ERC1: variants seen among roughly 807,000 people sequenced by gnomAD.
ERC1 encodes the protein RAB6 interacting protein 2.
Under a neutral mutation model 132.0 loss-of-function variants are expected in ERC1, and 56 were observed. That is an observed-to-expected ratio of 0.42 (90% CI 0.34 to 0.53). The LOEUF is 0.53. Among genes scored for constraint, ERC1 ranks in the 20% least tolerant of loss-of-function variants. ERC1 has a pLI of 0.03. For missense variants in ERC1, 1,202 were observed against 1,349.9 expected, an observed-to-expected ratio of 0.89 and a Z score of 1.72; for synonymous variants, 478 against 476.1, an observed-to-expected ratio of 1.00 and a Z score of -0.05.
intron 7 of ERC1, among the ~76,000 whole-genome samples, chr12:1,134,421 A>G (rs531145328): frequency 3.1e-3 from 473 of 151,280 alleles, no homozygotes; most frequent in Non-Finnish European, 4.9e-3. Context: ...ATCATAGCTC[A>G]CTGCAGCCTT....
intron 15 of ERC1, among the ~76,000 whole-genome samples, chr12:1,364,464 T>C (rs765785190): frequency 2.0e-5 from 3 of 152,236 alleles, no homozygotes; most frequent in Non-Finnish European, 4.4e-5. Context: ...ACATTCTGTT[T>C]ATTCCTTAGG....
rs570990731 is a variant in ERC1 at position 1,126,151 on chromosome 12, A to C, written c.1569+10118A>C. Among the ~76,000 whole-genome samples, 4 of 152,352 alleles carry C rather than the reference A, an allele frequency of 2.6e-5. No individual in the cohort carries two copies. The East Asian group carries it at 7.7e-4, about 29-fold the overall frequency. ...ATGTCTGTATATCTTACCTCTATTA[A>C]ATTTTTAAAAATGTATATGGATGAA... is the stretch of plus-strand genomic sequence containing the variant. On this transcript the variant is annotated intron_variant, in intron 7 of 18. Coordinates refer to ENST00000360905, the MANE Select transcript of ERC1 (RefSeq NM_178040.4).
chr12:1,213,464 C>T (rs772752273), intron 12 of ERC1, among the ~76,000 whole-genome samples: 38 of 151,724 alleles, frequency 2.5e-4, no homozygotes, highest in African/African-American at 7.5e-4. Context: ...AGACCGGGTG[C>T]GGTGGCTCAT....
chr12:1,073,758 C>T (rs1940849035), intron 2 of ERC1, among the ~76,000 whole-genome samples: 1 of 152,172 alleles, frequency 6.6e-6, no homozygotes, highest in Non-Finnish European at 1.5e-5. Flanking sequence ...ATGTACCACA[C>T]TTTTATATGA....
intron 16 of ERC1, among the ~76,000 whole-genome samples, chr12:1,388,489 C>G (rs1256998005): frequency 1.3e-5 from 2 of 152,020 alleles, no homozygotes; most frequent in East Asian, 3.9e-4. Context: ...ATTACCAAGT[C>G]TGCACTACTC....
intron 8 of ERC1, among the ~76,000 whole-genome samples, chr12:1,147,485 A>G (rs914630411): frequency 3.3e-5 from 5 of 152,158 alleles, no homozygotes; most frequent in Admixed American, 3.3e-4. Flanking sequence ...GCACTTGATC[A>G]TTGTATATTT....
At chr12:1,299,167 T>G (rs2080203879) in intron 15 of ERC1, among the ~76,000 whole-genome samples, 1 of 152,172 alleles carries the variant, frequency 6.6e-6, no homozygotes, top group Non-Finnish European at 1.5e-5. Flanking sequence ...TAAAGACTAT[T>G]AACTTGACTT....
At chr12:1,300,122 A>G (rs2080276672) in intron 15 of ERC1, among the ~76,000 whole-genome samples, 1 of 152,202 alleles carries the variant, frequency 6.6e-6, no homozygotes, top group South Asian at 2.1e-4. Context: ...GCAGACACAC[A>G]GAGCAAAGGA....
chr12:1,118,968 C>T (rs1364394084), intron 7 of ERC1, among the ~76,000 whole-genome samples: 1 of 152,146 alleles, frequency 6.6e-6, no homozygotes, highest in African/African-American at 2.4e-5. Flanking sequence ...CCTGGAACTC[C>T]TGGGATCAAA....
At chr12:1,428,433 C>T (rs903053427) in intron 17 of ERC1, among the ~76,000 whole-genome samples, 2 of 152,150 alleles carry the variant, frequency 1.3e-5, no homozygotes, top group Non-Finnish European at 2.9e-5. Flanking sequence ...TAATTGGGTT[C>T]CGTTCATGTG....
intron 15 of ERC1, among the ~76,000 whole-genome samples, chr12:1,357,603 A>G (rs2085665331): frequency 6.6e-6 from 1 of 152,252 alleles, no homozygotes; most frequent in South Asian, 2.1e-4. Context: ...GTAGACATAT[A>G]TAACAACAGG....
intron 2 of ERC1, among the ~76,000 whole-genome samples, chr12:1,061,424 T>A (rs1157281122): frequency 8.7e-6 from 1 of 114,320 alleles, no homozygotes; most frequent in Non-Finnish European, 1.7e-5. Flanking sequence ...GGTGAAACCC[T>A]GTCTCTACTA....
intron 6 of ERC1, among the ~76,000 whole-genome samples, chr12:1,114,215 G>A (rs1473971464): frequency 6.6e-6 from 1 of 151,930 alleles, no homozygotes; most frequent in Non-Finnish European, 1.5e-5. Flanking sequence ...GTAGAGATGG[G>A]TTTCACTATG....
At chr12:1,311,002 C>T (rs1339575743) in intron 15 of ERC1, among the ~76,000 whole-genome samples, 1 of 152,148 alleles carries the variant, frequency 6.6e-6, no homozygotes, top group Non-Finnish European at 1.5e-5. Context: ...TCAAAATCTG[C>T]CAATGATATA....
chr12:1,185,418 T>A (rs1954966810), intron 11 of ERC1, among the ~76,000 whole-genome samples: 1 of 147,834 alleles, frequency 6.8e-6, no homozygotes, highest in African/African-American at 2.6e-5. Context: ...CTGATTTTTT[T>A]ATTGAAGGTT....
At chr12:1,350,620 G>A (rs1411554558) in intron 15 of ERC1, among the ~76,000 whole-genome samples, 1 of 152,202 alleles carries the variant, frequency 6.6e-6, no homozygotes, top group Non-Finnish European at 1.5e-5. Context: ...CTCATGTCGT[G>A]TACAAGATTT....
At chr12:1,389,529 TG>T (rs1337942351) in intron 16 of ERC1, among the ~76,000 whole-genome samples, 3 of 152,388 alleles carry the variant, frequency 2.0e-5, no homozygotes, top group Admixed American at 2.0e-4. Flanking sequence ...TTGGCTCTAC[TG>T]GATATGCATT....
At chr12:1,481,530 A>G (rs2094092117) in intron 18 of ERC1, among the ~76,000 whole-genome samples, 1 of 152,232 alleles carries the variant, frequency 6.6e-6, no homozygotes, top group Admixed American at 6.5e-5. Flanking sequence ...ATCAAGCGCC[A>G]ATGAAATCTG....
intron 16 of ERC1, among the ~76,000 whole-genome samples, chr12:1,376,539 G>A (rs113233694): frequency 1.6e-4 from 24 of 152,274 alleles, no homozygotes; most frequent in African/African-American, 5.3e-4. Flanking sequence ...TTACATCACC[G>A]GGTCTTCCCC....
Sources: gnomAD v4.1 joint callset for allele counts (sites outside exome capture counted in the v4.1 genomes callset) on GRCh38, gnomAD v4.1.1 for gene constraint, MANE v1.5 for transcripts, NCBI Gene and HGNC (gene_info 2026-07-23, HGNC 2026-07-21) for gene names.